The following LAMP2 variants were observed in gnomAD, a reference collection of about 807,000 sequenced individuals.
LAMP2 encodes the protein lysosome-associated membrane glycoprotein 2.
Under a neutral mutation model 25.6 loss-of-function variants are expected in LAMP2, and 4 were observed. The observed-to-expected ratio is 0.16, with a 90% CI of 0.08 to 0.36. The LOEUF (loss-of-function observed/expected upper bound fraction) is 0.36. Among genes scored for constraint, LAMP2 ranks in the 10% least tolerant of loss-of-function variants. LAMP2 has a pLI of 1.00. For missense variants in LAMP2, 272 were observed against 301.4 expected (o/e 0.90, Z 0.72); for synonymous variants, 108 against 112.7 (o/e 0.96, Z 0.27).
chrX:120,469,174 C>T lies in LAMP2; in HGVS notation c.-5G>A. On this transcript the variant is annotated 5_prime_UTR_variant, in exon 1 of 9. Transcript: ENST00000200639. ...GAAGAGGCGGAAGCACACCATGACC[C>T]CGCAGAGCAGGCGGCGACGGCGGCG... The T allele has an allele frequency of 1.7e-6, 2 of 1,211,642 alleles. No homozygotes were observed. Among genetic ancestry groups the T allele is most frequent in the African/African-American group, 1.7e-5 (1 of 57,985 alleles).
chrX:120,440,123 A>G (rs1451220798), intron 8 of LAMP2, among the ~76,000 whole-genome samples: 1 of 112,309 alleles, frequency 8.9e-6, no homozygotes, highest in Non-Finnish European at 1.9e-5. Flanking sequence ...GTGCTACAAT[A>G]GCAGGGTCAA....
intron 3 of LAMP2, among the ~76,000 whole-genome samples, chrX:120,454,880 T>C (rs992567873): frequency 3.0e-5 from 3 of 99,354 alleles, no homozygotes; most frequent in Non-Finnish European, 4.0e-5. Flanking sequence ...ACACTAGGTG[T>C]GTTACTGTAT....
chrX:120,463,875 G>A (rs918991323), intron 1 of LAMP2, among the ~76,000 whole-genome samples: 14 of 105,660 alleles, frequency 1.3e-4, no homozygotes, highest in African/African-American at 5.1e-4. Context: ...AAACTAACAA[G>A]CCTGTCCTTT....
chrX:120,427,575 TA>T lies in LAMP2; in HGVS notation c.*3747del, dbSNP rs1439060551. On this transcript the variant is annotated 3_prime_UTR_variant, in exon 9 of 9. Transcript: ENST00000200639. ...TGTGAGAAAAAAGAAATCAATATAT[TA>T]AAAATATCAACTAGAGCATATTCAC... 1.8e-5 allele frequency among the ~76,000 whole-genome samples: 2 copies of T among 111,813 alleles called. No homozygotes were observed. The highest frequency in any genetic ancestry group is 3.8e-5 in the Non-Finnish European group (2 of 53,141).
Position 120,431,402 on chromosome X carries a change from A to G in LAMP2, c.1154T>C (p.Leu385Ser). The part of the protein sequence containing the change: ...FLVPIAVGAA[L>S]AGVLILVLLA... ...CAACACTAGAATAAGTACTCCTGCC[A>G]AGGCAGCTCCCACCGCTATGGGCAC... Residue 385 changes from leucine (L) to serine (S), a missense_variant, in exon 9 of 9, where the codon TTG (leucine) becomes TCG (serine). Leu to Ser is a moderately radical substitution (Grantham distance 145, BLOSUM62 -2). Transcript: ENST00000200639. 3 of 1,211,004 alleles carry G rather than the reference A, an allele frequency of 2.5e-6. No individual in the cohort carries two copies. The highest frequency in any genetic ancestry group is 3.0e-5 in the East Asian group (1 of 33,838).
At chrX:120,463,274 T>G (rs1763804982) in intron 1 of LAMP2, among the ~76,000 whole-genome samples, 1 of 112,196 alleles carries the variant, frequency 8.9e-6, no homozygotes, top group African/African-American at 3.2e-5. Flanking sequence ...AAAAGCAATA[T>G]GATTTTAAAG....
chrX:120,456,678 T>C lies in LAMP2; in HGVS notation c.156A>G (p.Val52=). 1.7e-6 allele frequency: 2 copies of C among 1,152,315 alleles called. No homozygotes were observed. Among genetic ancestry groups the C allele is most frequent in the South Asian group, 3.7e-5 (2 of 53,520 alleles). The allele number at this position is 1,152,315 out of a possible 1,213,427, so 95.0% of individuals were successfully genotyped here. A position where few individuals can be genotyped will look rare whatever the true frequency, so the allele number is the denominator to read the frequency against. The change falls in exon 2 of 9, where the codon GTA becomes GTG. Residue 52 remains valine (V), a synonymous_variant. Coordinates refer to ENST00000200639, the MANE Select transcript of LAMP2 (RefSeq NM_002294.3). The stretch of plus-strand genomic sequence containing the variant: ...AAGTTTTATTTGTAGTTTCATAGCG[T>C]ACTGTGAAATTCATCTGCCATTTTG... ...LYAKWQMNFT[V]RYETTNKTYK... is the part of the protein sequence containing the mutation.
At chrX:120,463,560 C>A (rs1399489280) in intron 1 of LAMP2, among the ~76,000 whole-genome samples, 1 of 111,737 alleles carries the variant, frequency 8.9e-6, no homozygotes, top group African/African-American at 3.3e-5. Flanking sequence ...GATCAGAATA[C>A]TTTTGCACTA....
At chrX:120,462,980 G>T (rs1220916130) in intron 1 of LAMP2, among the ~76,000 whole-genome samples, 2 of 112,344 alleles carry the variant, frequency 1.8e-5, no homozygotes, top group East Asian at 5.6e-4. Context: ...CACCTAAAGG[G>T]AACCTTCCCA....
chrX:120,451,721 C>G (rs2147284415), intron 3 of LAMP2, among the ~76,000 whole-genome samples: 1 of 111,709 alleles, frequency 9.0e-6, no homozygotes, highest in African/African-American at 3.3e-5. Context: ...CAGCCTCAGC[C>G]TCCCAAAGTG....
At chrX:120,438,251 A>G in intron 8 of LAMP2, 3 of 745,761 alleles carry the variant, frequency 4.0e-6, no homozygotes, top group Non-Finnish European at 3.2e-6. Flanking sequence ...AATAAAATAC[A>G]TCACTATCAA....
intron 1 of LAMP2, 81 bp downstream of exon 1, chrX:120,469,025 G>T: frequency 1.9e-6 from 2 of 1,055,105 alleles, no homozygotes; most frequent in Non-Finnish European, 2.7e-6. Context: ...CTCCCCCTCG[G>T]ACCAGTCTTT....
chrX:120,466,865 A>T (rs1308347974), intron 1 of LAMP2, among the ~76,000 whole-genome samples: 7 of 101,475 alleles, frequency 6.9e-5, no homozygotes, highest in African/African-American at 2.2e-4. Flanking sequence ...TTTTTGAGAC[A>T]GAGTTTCGCT....
At chrX:120,434,957 C>T (rs1245750198) in intron 8 of LAMP2, among the ~76,000 whole-genome samples, 1 of 111,231 alleles carries the variant, frequency 9.0e-6, no homozygotes, top group African/African-American at 3.3e-5. Flanking sequence ...GGCAAAACCC[C>T]ATCTCTACTA....
chrX:120,431,279 T>C lies in LAMP2; in HGVS notation c.*44A>G. The C allele has an allele frequency of 8.3e-7, 1 of 1,207,278 alleles. No homozygotes were observed. Among genetic ancestry groups the C allele is most frequent in the Non-Finnish European group, 1.1e-6 (1 of 891,698 alleles). On this transcript the variant is annotated 3_prime_UTR_variant, in exon 9 of 9. Coordinates refer to ENST00000200639, the MANE Select transcript of LAMP2 (RefSeq NM_002294.3). ...CAACAACTGAGAGGTAAGAAAATCTTGTTATTTGCATGTATTTTTATATAA... is the reference window on the plus strand; with the variant it reads ...CAACAACTGAGAGGTAAGAAAATCTCGTTATTTGCATGTATTTTTATATAA...
chrX:120,438,560 C>T (rs1275889117), intron 8 of LAMP2: 1 of 749,063 alleles, frequency 1.3e-6, no homozygotes, highest in Admixed American at 8.8e-5. Flanking sequence ...CAAATGTATT[C>T]AAAAGGCATT....
Position 120,427,412 on chromosome X carries a change from T to C in LAMP2, c.*3911A>G, listed in dbSNP as rs1238343886. On this transcript the variant is annotated 3_prime_UTR_variant, in exon 9 of 9. Coordinates refer to ENST00000200639, the MANE Select transcript of LAMP2 (RefSeq NM_002294.3). ...TACCTTACTCCAGAAGCCGGAGCCA[T>C]TAGCAGTCCCTACAGGGATATAAGT... is the stretch of plus-strand genomic sequence containing the variant. Among the ~76,000 whole-genome samples the C allele has an allele frequency of 9.0e-6, 1 of 110,998 alleles. No homozygotes were observed. Among genetic ancestry groups the C allele is most frequent in the Non-Finnish European group, 1.9e-5 (1 of 53,025 alleles).
In LAMP2 at chrX:120,426,369, T is replaced by C. The variant is rs1641123619; in HGVS notation, c.*4954A>G. Among the ~76,000 whole-genome samples the C allele has an allele frequency of 9.2e-6, 1 of 108,787 alleles. No individual in the cohort carries two copies. Among genetic ancestry groups the C allele is most frequent in the South Asian group, 4.0e-4 (1 of 2,473 alleles). 94.5% of individuals were successfully genotyped at this position (108,787 alleles called of 115,157 possible). ...TTCACCAGTTCAAAGTCGTACTGTC[T>C]GATCCACTGTTGTATTGACATAAAA... is the stretch of plus-strand genomic sequence containing the variant. On this transcript the variant is annotated 3_prime_UTR_variant, in exon 9 of 9. Coordinates refer to ENST00000200639, the MANE Select transcript of LAMP2 (RefSeq NM_002294.3).
At chrX:120,469,313 A>G, upstream of LAMP2, 1 of 557,274 alleles carries the variant, frequency 1.8e-6, no homozygotes, top group Admixed American at 2.8e-5. Flanking sequence ...TCGGCGCTTC[A>G]GTGCGAGTCA....
Sources: gnomAD v4.1 joint callset for allele counts (sites outside exome capture counted in the v4.1 genomes callset) on GRCh38, gnomAD v4.1.1 for gene constraint, MANE v1.5 for transcripts, NCBI Gene and HGNC (gene_info 2026-07-23, HGNC 2026-07-21) for gene names.